The following HIBADH variants were observed in gnomAD, a reference collection of about 807,000 sequenced individuals.
HIBADH encodes 3-hydroxyisobutyrate dehydrogenase.
HIBADH carries 25 observed loss-of-function variants against 36.1 expected under a neutral mutation model. That is an observed-to-expected ratio of 0.69 (90% CI 0.50 to 0.97). The LOEUF (loss-of-function observed/expected upper bound fraction) is 0.97. HIBADH is among the 50% of genes least tolerant of loss of function. HIBADH has a pLI of 0.00. For synonymous variants in HIBADH, 160 were observed against 149.5 expected (o/e 1.07, Z -0.51); for missense variants, 421 against 418.0 (o/e 1.01, Z -0.06).
chr7:27,587,000 A>T (rs149778004), intron 4 of HIBADH, among the ~76,000 whole-genome samples: 59 of 152,332 alleles, frequency 3.9e-4, no homozygotes, highest in African/African-American at 1.4e-3. Flanking sequence ...CAGCTGCTGC[A>T]TGGTCACGTC....
chr7:27,577,168 T>C (rs1784723324), intron 4 of HIBADH, among the ~76,000 whole-genome samples: 1 of 149,638 alleles, frequency 6.7e-6, no homozygotes, highest in Admixed American at 6.7e-5. Flanking sequence ...ATTTCTCTCT[T>C]TTTTTTTTTT....
chr7:27,628,526 C>T (rs1168564181), intron 4 of HIBADH, among the ~76,000 whole-genome samples: 1 of 152,034 alleles, frequency 6.6e-6, no homozygotes, highest in Non-Finnish European at 1.5e-5. Context: ...TATAATCCTG[C>T]CATTCCAAAC....
At chr7:27,556,345 C>T (rs1784388537) in intron 4 of HIBADH, among the ~76,000 whole-genome samples, 2 of 152,144 alleles carry the variant, frequency 1.3e-5, no homozygotes, top group African/African-American at 4.8e-5. Context: ...TATGTCTACT[C>T]TGTTATATAT....
At chr7:27,642,651 T>TG (rs1203768085) in intron 2 of HIBADH, among the ~76,000 whole-genome samples, 1 of 139,210 alleles carries the variant, frequency 7.2e-6, no homozygotes, top group Non-Finnish European at 1.6e-5. Flanking sequence ...AGTTTTTTTT[T>TG]TTTTTTTTTT....
intron 4 of HIBADH, among the ~76,000 whole-genome samples, chr7:27,557,391 A>G (rs1784405660): frequency 6.6e-6 from 1 of 152,196 alleles, no homozygotes; most frequent in Non-Finnish European, 1.5e-5. Context: ...GTTAAGTACT[A>G]TTCTAGACCT....
intron 2 of HIBADH, among the ~76,000 whole-genome samples, chr7:27,636,742 A>G (rs563341980): frequency 6.6e-6 from 1 of 152,356 alleles, no homozygotes; most frequent in South Asian, 2.1e-4. Context: ...AAAATCCTAG[A>G]CAATGAAAAT....
intron 4 of HIBADH, 86 bp from the exon 5 acceptor site, chr7:27,543,186 C>T: frequency 1.5e-6 from 2 of 1,365,214 alleles, no homozygotes; most frequent in Admixed American, 2.0e-5. Flanking sequence ...GAGAAACCAA[C>T]TAAAAACATC....
At chr7:27,638,319 AAAAAAAAAAAAC>A (rs1562654412) in intron 2 of HIBADH, among the ~76,000 whole-genome samples, 2 of 148,732 alleles carry the variant, frequency 1.3e-5, no homozygotes, top group African/African-American at 4.9e-5. Flanking sequence ...AAAAAAAAAA[AAAAAAAAAAAAC>A]AAGCAATAAG....
chr7:27,547,579 A>C (rs1407795118), intron 4 of HIBADH, among the ~76,000 whole-genome samples: 1 of 152,140 alleles, frequency 6.6e-6, no homozygotes, highest in Admixed American at 6.6e-5. Flanking sequence ...AACGACTGTA[A>C]TACCATGTGA....
intron 4 of HIBADH, among the ~76,000 whole-genome samples, chr7:27,550,704 C>T (rs1784305981): frequency 6.6e-6 from 1 of 152,160 alleles, no homozygotes; most frequent in Non-Finnish European, 1.5e-5. Context: ...AAAGCACTTA[C>T]ACTACTCTAA....
At chr7:27,636,616 A>G (rs145780591) in intron 2 of HIBADH, among the ~76,000 whole-genome samples, 4 of 152,356 alleles carry the variant, frequency 2.6e-5, no homozygotes, top group South Asian at 4.1e-4. Flanking sequence ...CCAAGTTTTT[A>G]AAGAGAAAAC....
chr7:27,543,045 A>T lies in HIBADH; in HGVS notation c.540T>A (p.Asp180Glu). The change falls in exon 5 of 8, where the codon GAT becomes GAA. Residue 180 changes from aspartate (D) to glutamate (E), a missense_variant. Transcript: ENST00000265395. ...GCAACTCTTGGGCAGCAGCAAATTC[A>T]TCTTCAACTCCTCCCACCATAAACG... is the stretch of plus-strand genomic sequence containing the variant. ...NLTFMVGGVE[D>E]EFAAAQELLG... The T allele has an allele frequency of 4.3e-6, 7 of 1,613,786 alleles. No individual in the cohort carries two copies. Among genetic ancestry groups the T allele is most frequent in the Non-Finnish European group, 5.9e-6 (7 of 1,179,872 alleles).
chr7:27,613,665 G>GTT (rs66518612), intron 4 of HIBADH, among the ~76,000 whole-genome samples: 30 of 107,082 alleles, frequency 2.8e-4, no homozygotes, highest in Non-Finnish European at 2.4e-4. Flanking sequence ...GGTTTTTTTT[G>GTT]TTTTTTTTTT....
intron 4 of HIBADH, among the ~76,000 whole-genome samples, chr7:27,589,274 A>T (rs1284290288): frequency 2.0e-5 from 3 of 152,152 alleles, no homozygotes; most frequent in African/African-American, 7.2e-5. Context: ...GGAAAACCTT[A>T]ATTTTTTTGT....
chr7:27,555,197 T>C (rs1247525576), intron 4 of HIBADH, among the ~76,000 whole-genome samples: 1 of 152,100 alleles, frequency 6.6e-6, no homozygotes, highest in Non-Finnish European at 1.5e-5. Context: ...ATTCTGTATA[T>C]GTGATAAAGG....
At position 27,625,979 on chromosome 7, in the gene HIBADH, G is replaced by A. The variant is rs146336913; in HGVS notation, c.484+3392C>T. 8.9e-3 allele frequency among the ~76,000 whole-genome samples: 1,357 copies of A among 152,010 alleles called. 14 individuals are homozygous for A. The highest frequency in any genetic ancestry group is 0.012 in the Non-Finnish European group (844 of 67,970). ...TAGCCAGGTGTGGTGGCAGGCGCCTGTAATCTCAGCTACTCGGGAGGCTGA... is the reference window on the plus strand; with the variant it reads ...TAGCCAGGTGTGGTGGCAGGCGCCTATAATCTCAGCTACTCGGGAGGCTGA... On this transcript the variant is annotated intron_variant, in intron 4 of 7. Transcript: ENST00000265395.
intron 4 of HIBADH, among the ~76,000 whole-genome samples, chr7:27,594,716 G>A (rs1318843652): frequency 6.6e-6 from 1 of 152,056 alleles, no homozygotes; most frequent in Non-Finnish European, 1.5e-5. Flanking sequence ...TACCCTTCCA[G>A]ACAGTAAAAT....
At chr7:27,559,679 C>T (rs542593213) in intron 4 of HIBADH, among the ~76,000 whole-genome samples, 61 of 152,196 alleles carry the variant, frequency 4.0e-4, no homozygotes, top group Admixed American at 2.6e-3. Flanking sequence ...TAGGGAATCA[C>T]AAAAACTATA....
At chr7:27,531,449 T>A in intron 6 of HIBADH, 101 bp from the exon 7 acceptor site, 1 of 1,041,120 alleles carries the variant, frequency 9.6e-7, no homozygotes, top group Non-Finnish European at 1.3e-6. Flanking sequence ...CTCCATTTAT[T>A]ATATGTCTTC....
Sources: gnomAD v4.1 joint callset for allele counts (sites outside exome capture counted in the v4.1 genomes callset) on GRCh38, gnomAD v4.1.1 for gene constraint, MANE v1.5 for transcripts, NCBI Gene and HGNC (gene_info 2026-07-23, HGNC 2026-07-21) for gene names.